Variants in AFG2A observed in about 807,000 individuals in gnomAD.
The protein encoded by AFG2A is ATPase family gene 2 protein homolog A.
the AFG2A span, among the ~76,000 whole-genome samples, chr4:123,138,251 AAC>A: frequency 6.6e-6 from 1 of 152,170 alleles, no homozygotes; most frequent in East Asian, 1.9e-4. Context: ...TGCCCCAGGT[AAC>A]ACAGCTAAGT....
chr4:123,083,573 T>TC, the AFG2A span, among the ~76,000 whole-genome samples: 1 of 147,954 alleles, frequency 6.8e-6, no homozygotes, highest in Non-Finnish European at 1.5e-5. Context: ...TTTTTTTTTT[T>TC]CTTTTTTTTT....
the AFG2A span, among the ~76,000 whole-genome samples, chr4:123,003,033 T>G: frequency 3.9e-5 from 6 of 152,200 alleles, no homozygotes; most frequent in Admixed American, 2.0e-4. Flanking sequence ...TAAACTTCCC[T>G]TCTTGCTTCA....
the AFG2A span, among the ~76,000 whole-genome samples, chr4:123,147,397 C>T: frequency 4.6e-5 from 7 of 151,976 alleles, no homozygotes; most frequent in African/African-American, 1.7e-4. Context: ...GCACTAAAGC[C>T]ATCTATTATT....
At chr4:123,059,553 T>A in the AFG2A span, among the ~76,000 whole-genome samples, 3 of 151,930 alleles carry the variant, frequency 2.0e-5, no homozygotes, top group Non-Finnish European at 4.4e-5. Flanking sequence ...CTGTCTATCA[T>A]TGTTGGACAT....
At chr4:123,186,541 T>G in the AFG2A span, among the ~76,000 whole-genome samples, 1 of 152,214 alleles carries the variant, frequency 6.6e-6, no homozygotes, top group Non-Finnish European at 1.5e-5. Context: ...TTCTCATTTG[T>G]AAGTTTTAGT....
At chr4:123,170,783 T>C in the AFG2A span, among the ~76,000 whole-genome samples, 1 of 152,184 alleles carries the variant, frequency 6.6e-6, no homozygotes, top group Non-Finnish European at 1.5e-5. Context: ...AGTTTATGAT[T>C]TTTCTTCTTT....
At chr4:123,203,136 G>A in the AFG2A span, among the ~76,000 whole-genome samples, 2 of 151,364 alleles carry the variant, frequency 1.3e-5, no homozygotes, top group Non-Finnish European at 2.9e-5. Context: ...TAGCCAAGCT[G>A]TATGTATCAA....
At chr4:123,174,615 T>C in the AFG2A span, among the ~76,000 whole-genome samples, 4 of 151,852 alleles carry the variant, frequency 2.6e-5, no homozygotes, top group African/African-American at 4.8e-5. Context: ...AAGAGACAGG[T>C]CAAAAACAGA....
At chr4:123,046,440 T>A in the AFG2A span, among the ~76,000 whole-genome samples, 76 of 152,350 alleles carry the variant, frequency 5.0e-4, no homozygotes, top group Middle Eastern at 3.4e-3. Flanking sequence ...ATTGCAATTA[T>A]ACATTTTTTA....
the AFG2A span, among the ~76,000 whole-genome samples, chr4:123,137,898 T>G: frequency 6.6e-6 from 1 of 152,192 alleles, no homozygotes; most frequent in Non-Finnish European, 1.5e-5. Flanking sequence ...ACAGTCTACT[T>G]AGAGTTAATA....
At chr4:123,070,319 T>C in the AFG2A span, among the ~76,000 whole-genome samples, 27 of 152,172 alleles carry the variant, frequency 1.8e-4, no homozygotes, top group Non-Finnish European at 3.1e-4. Context: ...AGTGACATTT[T>C]CTTTGTGCTA....
the AFG2A span, among the ~76,000 whole-genome samples, chr4:123,290,698 C>T: frequency 6.6e-6 from 1 of 152,180 alleles, no homozygotes; most frequent in Non-Finnish European, 1.5e-5. Flanking sequence ...AGGGAAACTC[C>T]TGTTTTTAAA....
At chr4:123,301,353 G>A in the AFG2A span, among the ~76,000 whole-genome samples, 3 of 152,206 alleles carry the variant, frequency 2.0e-5, no homozygotes, top group East Asian at 5.8e-4. Flanking sequence ...ATAATATAAT[G>A]TGAGCTTCTA....
chr4:123,155,778 G>A, the AFG2A span, among the ~76,000 whole-genome samples: 4,651 of 152,168 alleles, frequency 0.031, 136 homozygotes, highest in South Asian at 0.11. Flanking sequence ...ATCTGCAGGA[G>A]GTCCTGGAAC....
the AFG2A span, among the ~76,000 whole-genome samples, chr4:123,141,512 G>C: frequency 6.6e-6 from 1 of 152,188 alleles, no homozygotes; most frequent in African/African-American, 2.4e-5. Context: ...ACTCTATAGT[G>C]TACTGTGTTG....
the AFG2A span, among the ~76,000 whole-genome samples, chr4:123,123,783 T>TA: frequency 1.8e-3 from 257 of 142,956 alleles, no homozygotes; most frequent in African/African-American, 5.2e-3. Context: ...CCGTCTCTAC[T>TA]AAAAAAAAAA....
the AFG2A span, among the ~76,000 whole-genome samples, chr4:123,273,379 G>A: frequency 2.6e-5 from 4 of 152,052 alleles, no homozygotes; most frequent in East Asian, 7.7e-4. Flanking sequence ...ATGTCATACA[G>A]ATTAGTTTTC....
At chr4:123,248,262 A>C in the AFG2A span, among the ~76,000 whole-genome samples, 1 of 152,234 alleles carries the variant, frequency 6.6e-6, no homozygotes, top group Non-Finnish European at 1.5e-5. Flanking sequence ...TTAGCAAATA[A>C]TATAATGCAG....
chr4:123,141,025 C>T, the AFG2A span, among the ~76,000 whole-genome samples: 3 of 152,100 alleles, frequency 2.0e-5, no homozygotes, highest in African/African-American at 7.2e-5. Context: ...TTTGAGATTT[C>T]ATGATTTGCA....
Sources: allele counts gnomAD v4.1 joint callset (sites outside exome capture counted in the v4.1 genomes callset), GRCh38; gene constraint gnomAD v4.1.1; transcripts MANE v1.5; gene names NCBI Gene and HGNC (gene_info 2026-07-23, HGNC 2026-07-21).